The following COMT variants were observed in gnomAD, a reference collection of about 807,000 sequenced individuals.
COMT encodes the protein catechol-O-methyltransferase, also known as catechol O-methyltransferase.
COMT carries 13 observed loss-of-function variants against 18.9 expected under a neutral mutation model. The observed-to-expected ratio is 0.69, with a 90% confidence interval of 0.45 to 1.09. COMT has a LOEUF of 1.09. COMT is among the 50% of genes least tolerant of loss of function. COMT has a pLI of 0.00. For synonymous variants in COMT, 150 were observed against 160.9 expected (o/e 0.93, Z 0.51); for missense variants, 329 against 361.8 (o/e 0.91, Z 0.73).
intron 1 of COMT, among the ~76,000 whole-genome samples, chr22:19,946,919 T>G (rs1170797936): frequency 6.9e-6 from 1 of 144,368 alleles, no homozygotes; most frequent in African/African-American, 2.6e-5. Flanking sequence ...AGTTTTTTTT[T>G]TTTTTTTTTT....
intron 1 of COMT, among the ~76,000 whole-genome samples, chr22:19,960,626 G>C (rs1250957269): frequency 3.3e-5 from 5 of 152,244 alleles, no homozygotes; most frequent in Admixed American, 3.3e-4. Flanking sequence ...AGCAGCAGAA[G>C]GCAGCACGAT....
At chr22:19,963,904 C>G (rs1942268696) in intron 4 of COMT, 145 bp downstream of exon 4, 7 of 1,243,874 alleles carry the variant, frequency 5.6e-6, no homozygotes, top group Non-Finnish European at 7.9e-6. Flanking sequence ...GCTTCCCAGC[C>G]TGGGGCTGAG....
chr22:19,956,129 C>CTTTTTTTCTT (rs1942053347), intron 1 of COMT, among the ~76,000 whole-genome samples: 1 of 81,248 alleles, frequency 1.2e-5, no homozygotes, highest in African/African-American at 4.8e-5. Context: ...TCTTTTTTTT[C>CTTTTTTTCTT]TTTTTTTCTT....
At position 19,957,374 on chromosome 22, in the gene COMT, C is replaced by T. The variant is rs548679849; in HGVS notation, c.-91-3825C>T. On this transcript the variant is annotated intron_variant, in intron 1 of 5. Coordinates refer to ENST00000361682, the MANE Select transcript of COMT (RefSeq NM_000754.4). ...CTGCAGCTGCAGTGAGCCTTGATCA[C>T]GCCACTGCACTCCAGCCTGGGCAAT... Among the ~76,000 whole-genome samples the T allele has an allele frequency of 2.4e-3, 372 of 152,242 alleles. 2 individuals carry two copies. Among genetic ancestry groups the T allele is most frequent in the African/African-American group, 8.7e-3 (360 of 41,550 alleles).
chr22:19,959,487 C>T (rs890601087), intron 1 of COMT, among the ~76,000 whole-genome samples: 1 of 152,162 alleles, frequency 6.6e-6, no homozygotes. Flanking sequence ...CTTCTGGGGC[C>T]TCCCATCCCA....
chr22:19,964,785 C>T (rs562801159), intron 5 of COMT: 27 of 356,574 alleles, frequency 7.6e-5, no homozygotes, highest in South Asian at 4.7e-4. Context: ...CTGAGTGCCC[C>T]GAGTGAGGCT....
chr22:19,965,820 G>A (rs1319229468), intron 5 of COMT, among the ~76,000 whole-genome samples: 3 of 151,490 alleles, frequency 2.0e-5, no homozygotes, highest in Non-Finnish European at 4.4e-5. Flanking sequence ...GGTGGGCATT[G>A]GGAGGGTGGG....
chr22:19,965,306 GAGTTCGAGACC>G (rs1394514026), intron 5 of COMT: 1 of 152,224 alleles, frequency 6.6e-6, no homozygotes, highest in Admixed American at 6.5e-5. Context: ...GAGGCCAGGA[GAGTTCGAGACC>G]AGCCTGGGCA....
At chr22:19,943,801 A>G (rs1941790167) in intron 1 of COMT, among the ~76,000 whole-genome samples, 1 of 152,144 alleles carries the variant, frequency 6.6e-6, no homozygotes, top group African/African-American at 2.4e-5. Context: ...GCACTCAGGG[A>G]CTTCCTGGTG....
intron 1 of COMT, among the ~76,000 whole-genome samples, chr22:19,948,954 CAAAAAAAA>C (rs71186636): frequency 2.2e-4 from 19 of 86,872 alleles, no homozygotes; most frequent in South Asian, 8.4e-4. Context: ...GACTCTGTCT[CAAAAAAAA>C]AAAAAAAAAA....
chr22:19,943,416 G>A (rs960778487), intron 1 of COMT, among the ~76,000 whole-genome samples: 2 of 152,136 alleles, frequency 1.3e-5, no homozygotes, highest in African/African-American at 4.8e-5. Context: ...TGGAGGCCGA[G>A]GAGGATCACT....
chr22:19,943,214 C>G (rs1941773849), intron 1 of COMT, among the ~76,000 whole-genome samples: 1 of 152,200 alleles, frequency 6.6e-6, no homozygotes, highest in African/African-American at 2.4e-5. Context: ...GAGCAGAGAC[C>G]TGCTTCTTTC....
At position 19,968,637 on chromosome 22, in the gene COMT, T is replaced by C. The variant is rs1294660374; in HGVS notation, c.717T>C (p.Phe239=). 3 of 1,613,966 alleles carry C rather than the reference T, an allele frequency of 1.9e-6. No homozygotes were observed. Among genetic ancestry groups the C allele is most frequent in the Non-Finnish European group, 2.5e-6 (3 of 1,180,002 alleles). ...FLAHVRGSSC[F]ECTHYQSFLE... ...CACACGTGCGCGGGAGCAGCTGCTT[T>C]GAGTGCACACACTACCAATCGTTCC... The change falls in exon 6 of 6, where the codon TTT becomes TTC. Residue 239 remains phenylalanine, a synonymous_variant. Transcript: ENST00000361682.
chr22:19,963,894 G>A (rs1942268358), intron 4 of COMT, 135 bp downstream of exon 4: 10 of 1,267,524 alleles, frequency 7.9e-6, no homozygotes, highest in Non-Finnish European at 1.1e-5. Flanking sequence ...GCCCCTCAGT[G>A]CTTCCCAGCC....
intron 5 of COMT, among the ~76,000 whole-genome samples, chr22:19,965,939 G>T (rs189789021): frequency 1.0e-3 from 159 of 152,366 alleles, no homozygotes; most frequent in African/African-American, 3.6e-3. Flanking sequence ...CACTCAGCCA[G>T]ATGGGCTTCA....
At chr22:19,954,251 G>T (rs5992499) in intron 1 of COMT, among the ~76,000 whole-genome samples, 69,083 of 149,098 alleles carry the variant, frequency 0.46, 16,474 homozygotes, top group Middle Eastern at 0.58. Context: ...TGAGCCTGGG[G>T]GCCTGGCCCC....
Position 19,964,233 on chromosome 22 carries a change from C to T in COMT, c.549C>T (p.Asp183=). The part of the protein sequence containing the change: ...IPQLKKKYDV[D]TLDMVFLDHW... ...AGCTGAAGAAGAAGTATGATGTGGA[C>T]ACACTGGACATGGTCTTCCTCGACC... Residue 183 remains aspartate, a synonymous_variant, in exon 5 of 6, where the codon GAC becomes GAT. Coordinates refer to ENST00000361682, the MANE Select transcript of COMT (RefSeq NM_000754.4). The T allele has an allele frequency of 6.2e-7, 1 of 1,614,136 alleles. No homozygotes were observed. Among genetic ancestry groups the T allele is most frequent in the South Asian group, 1.1e-5 (1 of 91,086 alleles).
chr22:19,947,425 C>T (rs922289059), intron 1 of COMT, among the ~76,000 whole-genome samples: 7 of 152,050 alleles, frequency 4.6e-5, no homozygotes, highest in Non-Finnish European at 7.3e-5. Context: ...TGCCAGGCTG[C>T]GCTGTTATTT....
intron 3 of COMT, 131 bp from the exon 4 acceptor site, chr22:19,963,435 G>C: frequency 9.4e-7 from 1 of 1,060,346 alleles, no homozygotes; most frequent in South Asian, 1.4e-5. Flanking sequence ...AGGGTGGGCA[G>C]AGGAGGGCCA....
Sources: gnomAD v4.1 joint callset for allele counts (sites outside exome capture counted in the v4.1 genomes callset) on GRCh38, gnomAD v4.1.1 for gene constraint, MANE v1.5 for transcripts, NCBI Gene and HGNC (gene_info 2026-07-23, HGNC 2026-07-21) for gene names.